Variants in ATF7IP2 observed in about 807,000 individuals in gnomAD.
The protein encoded by ATF7IP2 is activating transcription factor 7 interacting protein 2.
A neutral mutation model predicts 64.2 loss-of-function variants in ATF7IP2; 42 were observed. The observed-to-expected ratio is 0.65, with a 90% CI of 0.51 to 0.85. The LOEUF is 0.85. Ranked by LOEUF, ATF7IP2 falls within the 40% of genes least tolerant of loss-of-function variation. The probability of loss-of-function intolerance (pLI) is 0.00; values close to 1 mark genes in which losing one functional copy is unlikely to be tolerated. For missense variants in ATF7IP2, 933 were observed against 784.2 expected (o/e 1.19, Z -2.27); for synonymous variants, 308 against 272.8 (o/e 1.13, Z -1.27).
At position 10,467,135 on chromosome 16, in the gene ATF7IP2, T is replaced by C. The variant is rs936487796; in HGVS notation, c.1353-4975T>C. On this transcript the variant is annotated intron_variant, in intron 9 of 13. Coordinates refer to ENST00000562102, the MANE Select transcript of ATF7IP2 (RefSeq NM_001393719.1). Reference sequence around the variant, plus strand: ...GTAGTAATCTTGGTAAGGCTCCTTCTACCTCTAGTTCACTCTGGTCTCTAA... The same window carrying C: ...GTAGTAATCTTGGTAAGGCTCCTTCCACCTCTAGTTCACTCTGGTCTCTAA... Among the ~76,000 whole-genome samples, 7 of 152,216 alleles carry C rather than the reference T, an allele frequency of 4.6e-5. No individual in the cohort carries two copies. In the East Asian group the frequency reaches 1.3e-3, roughly 29 times the overall value.
chr16:10,389,007 C>T (rs1211717078), intron 1 of ATF7IP2, among the ~76,000 whole-genome samples: 3 of 147,158 alleles, frequency 2.0e-5, no homozygotes, highest in Admixed American at 1.4e-4. Flanking sequence ...GCAAGACTGT[C>T]TCAAAAAAAA....
intron 5 of ATF7IP2, 75 bp downstream of exon 5, chr16:10,431,530 T>G: frequency 1.0e-6 from 1 of 983,918 alleles, no homozygotes; most frequent in Non-Finnish European, 1.5e-6. Flanking sequence ...AAGTCTCAAA[T>G]ATACAAACCA....
rs143550199 is a variant in ATF7IP2, at chr16:10,466,515, C to T, written c.1353-5595C>T. On this transcript the variant is annotated intron_variant, in intron 9 of 13. Transcript: ENST00000562102. ...TAAGTACATGAGATTTTTATTACTG[C>T]GTATCCTTGCCAACTCTTGGTGGTA... is the stretch of plus-strand genomic sequence containing the variant. Among the ~76,000 whole-genome samples, 21 of 152,084 alleles carry T rather than the reference C, an allele frequency of 1.4e-4. No homozygotes were observed. The East Asian group carries it at 2.5e-3, about 18-fold the overall frequency.
rs149440761 is a variant in ATF7IP2, at chr16:10,400,171, G to T, written c.-242+14049G>T. ...TTCTCCTGCCTCAGCCTCCCAAGTAGCTGGGATTACAGGCGCCTGCCACCA... is the reference window on the plus strand; with the variant it reads ...TTCTCCTGCCTCAGCCTCCCAAGTATCTGGGATTACAGGCGCCTGCCACCA... On this transcript the variant is annotated intron_variant, in intron 1 of 13. Coordinates refer to ENST00000562102, the MANE Select transcript of ATF7IP2 (RefSeq NM_001393719.1). Among the ~76,000 whole-genome samples, 14 of 152,286 alleles carry T rather than the reference G, an allele frequency of 9.2e-5. No homozygotes were observed. The East Asian group carries it at 2.7e-3, about 29-fold the overall frequency.
chr16:10,443,002 C>A (rs748225269), intron 8 of ATF7IP2, among the ~76,000 whole-genome samples: 3 of 152,110 alleles, frequency 2.0e-5, no homozygotes, highest in Non-Finnish European at 4.4e-5. Flanking sequence ...ATCAAAAGAT[C>A]GTGAGGGGCC....
chr16:10,441,314 T>G (rs2048614494), intron 8 of ATF7IP2, among the ~76,000 whole-genome samples: 1 of 152,218 alleles, frequency 6.6e-6, no homozygotes, highest in Non-Finnish European at 1.5e-5. Flanking sequence ...TATAGATCCT[T>G]GAGGAATCGC....
chr16:10,399,474 A>T (rs1345897279), intron 1 of ATF7IP2, among the ~76,000 whole-genome samples: 2 of 152,154 alleles, frequency 1.3e-5, no homozygotes, highest in Non-Finnish European at 2.9e-5. Context: ...ATTCTTGTCA[A>T]CTTTGTCAAA....
chr16:10,460,820 A>G (rs1013840231), intron 9 of ATF7IP2, among the ~76,000 whole-genome samples: 8 of 152,212 alleles, frequency 5.3e-5, no homozygotes, highest in Admixed American at 4.6e-4. Context: ...CCGTTGCCAT[A>G]AAAGAAAAAT....
chr16:10,423,878 G>A (rs1348056858), intron 3 of ATF7IP2, among the ~76,000 whole-genome samples: 1 of 152,088 alleles, frequency 6.6e-6, no homozygotes, highest in South Asian at 2.1e-4. Flanking sequence ...AAGAGTACTC[G>A]GGTGTCCTCC....
rs556574124 is a variant in ATF7IP2 at position 10,460,309 on chromosome 16, GTATTA to G, written c.1352+2785_1352+2789del. On this transcript the variant is annotated intron_variant, in intron 9 of 13. Coordinates refer to ENST00000562102, the MANE Select transcript of ATF7IP2 (RefSeq NM_001393719.1). ...AAAGATATATGGTGTGGACAAAGGAGTATTATATTTATAGAGTACAACTTCAGTCA... is the reference window on the plus strand; with the variant it reads ...AAAGATATATGGTGTGGACAAAGGAGTATTTATAGAGTACAACTTCAGTCA... 1.9e-3 allele frequency among the ~76,000 whole-genome samples: 286 copies of G among 152,250 alleles called. 1 individual carries two copies. Among genetic ancestry groups the G allele is most frequent in the Non-Finnish European group, 2.8e-3 (190 of 68,018 alleles).
At chr16:10,419,690 A>G (rs1458067903) in intron 3 of ATF7IP2, 67 bp downstream of exon 3, 3 of 152,722 alleles carry the variant, frequency 2.0e-5, no homozygotes, top group African/African-American at 7.2e-5. Flanking sequence ...CAGTCTCAAC[A>G]TGGCTGCAAC....
intron 4 of ATF7IP2, among the ~76,000 whole-genome samples, chr16:10,429,286 T>C (rs2048164484): frequency 6.6e-6 from 1 of 152,204 alleles, no homozygotes; most frequent in Non-Finnish European, 1.5e-5. Flanking sequence ...ATAGGCATAT[T>C]AGGGTCTTAA....
At chr16:10,425,736 A>C (rs2048072060) in intron 3 of ATF7IP2, among the ~76,000 whole-genome samples, 1 of 152,070 alleles carries the variant, frequency 6.6e-6, no homozygotes, top group Non-Finnish European at 1.5e-5. Flanking sequence ...TCTATTAAAA[A>C]TACAAAATTA....
At chr16:10,387,494 G>C (rs1482753860) in intron 1 of ATF7IP2, 1 of 152,194 alleles carries the variant, frequency 6.6e-6, no homozygotes, top group African/African-American at 2.4e-5. Context: ...GGTGTATATA[G>C]GTACATCTTG....
At chr16:10,404,645 C>G (rs924960545) in intron 1 of ATF7IP2, among the ~76,000 whole-genome samples, 4 of 152,126 alleles carry the variant, frequency 2.6e-5, no homozygotes, top group African/African-American at 9.7e-5. Flanking sequence ...CAGGTTTAAG[C>G]AGTTCTCATG....
chr16:10,409,267 G>T (rs1013791693), intron 1 of ATF7IP2, among the ~76,000 whole-genome samples: 1 of 152,130 alleles, frequency 6.6e-6, no homozygotes, highest in African/African-American at 2.4e-5. Context: ...AGCAACCAAG[G>T]GAACAGATGT....
chr16:10,481,810 A>C (rs779503760), intron 13 of ATF7IP2, 26 bp from the exon 14 acceptor site: 1 of 1,537,894 alleles, frequency 6.5e-7, no homozygotes, highest in Non-Finnish European at 8.7e-7. Context: ...TTTAAAAGCT[A>C]TATTTTCTTA....
At chr16:10,454,333 C>G (rs1187703208) in intron 8 of ATF7IP2, 2 of 140,660 alleles carry the variant, frequency 1.4e-5, no homozygotes, top group Non-Finnish European at 3.0e-5. Flanking sequence ...TCGCTTGAAC[C>G]TGGGAGGCGG....
At chr16:10,462,697 C>T (rs950122624) in intron 9 of ATF7IP2, among the ~76,000 whole-genome samples, 1 of 152,062 alleles carries the variant, frequency 6.6e-6, no homozygotes, top group Non-Finnish European at 1.5e-5. Flanking sequence ...TAAATTTATA[C>T]TGATGGGGGC....
Sources: allele counts gnomAD v4.1 joint callset (sites outside exome capture counted in the v4.1 genomes callset), GRCh38; gene constraint gnomAD v4.1.1; transcripts MANE v1.5; gene names NCBI Gene and HGNC (gene_info 2026-07-23, HGNC 2026-07-21).